The following CHN1 variants were observed in gnomAD, a reference collection of about 807,000 sequenced individuals.
CHN1 encodes chimerin 1.
CHN1 carries 37 observed loss-of-function variants against 59.5 expected under a neutral mutation model. The ratio of observed to expected loss-of-function variants is 0.62; its 90% confidence interval spans 0.48 to 0.82. The LOEUF is 0.82. CHN1 is among the 40% of genes least tolerant of loss of function. The probability of loss-of-function intolerance (pLI) is 0.00; values close to 1 mark genes in which losing one functional copy is unlikely to be tolerated. For synonymous variants in CHN1, 206 were observed against 200.4 expected (o/e 1.03, Z -0.24); for missense variants, 469 against 571.0 (o/e 0.82, Z 1.82).
chr2:174,914,095 C>T (rs1414687458), intron 5 of CHN1, among the ~76,000 whole-genome samples: 3 of 152,214 alleles, frequency 2.0e-5, no homozygotes, highest in Non-Finnish European at 4.4e-5. Context: ...AAATGTGTGA[C>T]CTTCATCAAG....
intron 3 of CHN1, among the ~76,000 whole-genome samples, chr2:174,929,333 T>C (rs1164238223): frequency 6.6e-6 from 1 of 152,176 alleles, no homozygotes; most frequent in Non-Finnish European, 1.5e-5. Flanking sequence ...GTCCCAGCCC[T>C]TTGGGAGGCC....
intron 3 of CHN1, among the ~76,000 whole-genome samples, chr2:174,937,671 G>A (rs1445599883): frequency 1.3e-5 from 2 of 151,854 alleles, no homozygotes; most frequent in African/African-American, 4.8e-5. Flanking sequence ...AGGTGTTTCA[G>A]TCACAGGAGC....
At chr2:174,845,493 T>C (rs1446951380) in intron 7 of CHN1, among the ~76,000 whole-genome samples, 1 of 152,138 alleles carries the variant, frequency 6.6e-6, no homozygotes, top group East Asian at 1.9e-4. Context: ...ATGAAAGATG[T>C]AGTGAATGCT....
intron 8 of CHN1, among the ~76,000 whole-genome samples, chr2:174,821,044 CTTTAGTG>C (rs1017511299): frequency 6.6e-5 from 10 of 152,078 alleles, no homozygotes; most frequent in African/African-American, 2.4e-4. Context: ...GAAAGAATAC[CTTTAGTG>C]TTTAGTGGTT....
chr2:174,893,644 T>C (rs933682156), intron 5 of CHN1, among the ~76,000 whole-genome samples: 4 of 152,148 alleles, frequency 2.6e-5, no homozygotes, highest in African/African-American at 9.6e-5. Context: ...GAAATTCATA[T>C]GAAATCTCAA....
chr2:174,897,808 A>T (rs1035518341), intron 5 of CHN1, among the ~76,000 whole-genome samples: 2 of 152,190 alleles, frequency 1.3e-5, no homozygotes, highest in African/African-American at 4.8e-5. Context: ...CTCTTCTGGG[A>T]CTATTAATAA....
At chr2:174,990,806 T>C (rs1193878129) in intron 1 of CHN1, among the ~76,000 whole-genome samples, 1 of 152,180 alleles carries the variant, frequency 6.6e-6, no homozygotes, top group Non-Finnish European at 1.5e-5. Context: ...ATGGCTCTCA[T>C]CTTTAATTAC....
intron 3 of CHN1, among the ~76,000 whole-genome samples, chr2:174,944,013 A>G (rs893410339): frequency 2.6e-5 from 4 of 152,068 alleles, no homozygotes; most frequent in Non-Finnish European, 4.4e-5. Context: ...CATACTTACT[A>G]TATCTATATA....
intron 5 of CHN1, among the ~76,000 whole-genome samples, chr2:174,898,800 G>T (rs996143411): frequency 6.6e-6 from 1 of 152,158 alleles, no homozygotes; most frequent in South Asian, 2.1e-4. Context: ...AACAGTGGCA[G>T]AAAATTCTTG....
intron 1 of CHN1, among the ~76,000 whole-genome samples, chr2:175,001,741 A>G (rs1691897541): frequency 6.6e-6 from 1 of 152,316 alleles, no homozygotes; most frequent in African/African-American, 2.4e-5. Context: ...GCTATAAACC[A>G]CAGCCCCATT....
At chr2:174,983,803 G>A (rs1574242476) in intron 1 of CHN1, among the ~76,000 whole-genome samples, 1 of 152,102 alleles carries the variant, frequency 6.6e-6, no homozygotes, top group East Asian at 1.9e-4. Flanking sequence ...ACTCCAGCCT[G>A]GGCAACAGAG....
chr2:174,871,656 C>T (rs1311856211), intron 6 of CHN1, among the ~76,000 whole-genome samples: 1 of 152,108 alleles, frequency 6.6e-6, no homozygotes, highest in African/African-American at 2.4e-5. Context: ...ATGATAAAGG[C>T]AAACTCAAAT....
intron 5 of CHN1, 118 bp from the exon 6 acceptor site, chr2:174,878,246 TA>T (rs1687635028): frequency 1.1e-6 from 1 of 903,536 alleles, no homozygotes; most frequent in Non-Finnish European, 1.6e-6. Flanking sequence ...CTTCTTTGTT[TA>T]AATAAGCTGT....
chr2:174,865,948 G>A (rs1687204460), intron 6 of CHN1, among the ~76,000 whole-genome samples: 1 of 152,090 alleles, frequency 6.6e-6, no homozygotes, highest in Non-Finnish European at 1.5e-5. Context: ...GGCCCAGAGA[G>A]GTTATTAAGA....
chr2:174,883,183 G>A (rs770117492), intron 5 of CHN1, among the ~76,000 whole-genome samples: 6 of 152,262 alleles, frequency 3.9e-5, no homozygotes, highest in South Asian at 4.1e-4. Context: ...CTCGAAGTCC[G>A]TTTAAAAAGC....
At chr2:174,845,534 G>A (rs952593214) in intron 7 of CHN1, among the ~76,000 whole-genome samples, 6 of 151,908 alleles carry the variant, frequency 3.9e-5, no homozygotes, top group South Asian at 2.1e-4. Flanking sequence ...TTTTCTATCC[G>A]GTATTTAATC....
intron 2 of CHN1, 175 bp from the exon 3 acceptor site, chr2:174,945,118 C>T: frequency 1.9e-6 from 1 of 537,216 alleles, no homozygotes; most frequent in Non-Finnish European, 3.4e-6. Flanking sequence ...ATAGTGAAAG[C>T]CCAGGAGCAA....
intron 1 of CHN1, among the ~76,000 whole-genome samples, chr2:174,970,153 CTTCTT>C (rs1690716318): frequency 6.6e-6 from 1 of 152,106 alleles, no homozygotes. Context: ...CTTGAGTACA[CTTCTT>C]TTGGTCATTC....
chr2:174,819,730 T>C (rs1685415230), intron 8 of CHN1, among the ~76,000 whole-genome samples: 1 of 151,176 alleles, frequency 6.6e-6, no homozygotes, highest in African/African-American at 2.4e-5. Flanking sequence ...TAGTTACATA[T>C]GTATACATGT....
Sources: allele counts gnomAD v4.1 joint callset (sites outside exome capture counted in the v4.1 genomes callset), GRCh38; gene constraint gnomAD v4.1.1; transcripts MANE v1.5; gene names NCBI Gene and HGNC (gene_info 2026-07-23, HGNC 2026-07-21).